The following CDH16 variants were observed in gnomAD, a reference collection of about 807,000 sequenced individuals.
The protein encoded by CDH16 is cadherin 16.
Under a neutral mutation model 87.6 loss-of-function variants are expected in CDH16, and 79 were observed. That is an observed-to-expected ratio of 0.90 (90% confidence interval 0.75 to 1.09). The LOEUF (loss-of-function observed/expected upper bound fraction) is 1.09, where lower values mean the gene tolerates loss of function less well. CDH16 is among the 50% of genes least tolerant of loss of function. The probability of loss-of-function intolerance (pLI) is 0.00; values close to 1 mark genes in which losing one functional copy is unlikely to be tolerated. For synonymous variants in CDH16, 457 were observed against 439.5 expected (o/e 1.04, Z -0.50); for missense variants, 1,124 against 1,071.7 (o/e 1.05, Z -0.68).
Position 66,912,313 on chromosome 16 carries a change from C to T in CDH16, c.1477G>A (p.Gly493Arg). 1 of 1,614,192 alleles carries T rather than the reference C, an allele frequency of 6.2e-7. No homozygotes were observed. Residue 493 changes from glycine (G) to arginine (R), a missense_variant, in exon 12 of 18, where the codon GGA (glycine) becomes AGA (arginine). Physicochemically the swap from Gly to Arg is moderately radical, Grantham distance 125. Transcript: ENST00000299752. ...AGGCCAAAAGTCCCTTCTGTGTCTC[C>T]CCTCTCAATGGCAAAATCCATGAGG... ...FRLMDFAIER[G>R]DTEGTFGLDW...
intron 1 of CDH16, 126 bp from the exon 2 acceptor site, chr16:66,918,204 C>T: frequency 1.6e-6 from 1 of 617,894 alleles, no homozygotes; most frequent in Non-Finnish European, 2.7e-6. Context: ...GGAGCTGAGG[C>T]TCTCCATCTC....
In CDH16 at chr16:66,916,041, A is replaced by G. The variant is rs765668342; in HGVS notation, c.424+24T>C. The stretch of plus-strand genomic sequence containing the variant: ...ATCAAGGCCCACCTGACCTTACTGT[A>G]AATTGGCTGCCCTGGTCACTCACCA... On this transcript the variant is annotated intron_variant, in intron 5 of 17. Coordinates refer to ENST00000299752, the MANE Select transcript of CDH16 (RefSeq NM_004062.4). This position sits in a 1 kb window ranked among gnomAD's most constrained non-coding sequence, Gnocchi z 4.1. 117 of 1,613,746 alleles carry G rather than the reference A, an allele frequency of 7.3e-5. 1 individual carries two copies. The South Asian group carries it at 1.3e-3, about 17-fold the overall frequency.
chr16:66,917,904 C>T (rs1962757973), intron 2 of CDH16, 117 bp downstream of exon 2: 2 of 1,054,144 alleles, frequency 1.9e-6, no homozygotes, highest in Non-Finnish European at 2.8e-6. Flanking sequence ...AGCTCTGACC[C>T]CTCCCATGCC....
chr16:66,912,802 G>A lies in CDH16; in HGVS notation c.1144C>T (p.Pro382Ser). Residue 382 changes from proline (P) to serine (S), a missense_variant, in exon 10 of 18, where the codon CCT becomes TCT. By Grantham distance (74) the Pro-to-Ser change is moderately conservative. Transcript: ENST00000299752. ...GCTCTCCCCTCTACCCCATCCTCAG[G>A]CTCAGGGCTCAGGAGCTGATACACA... The part of the protein sequence containing the change: ...HVVYQLLSPE[P>S]EDGVEGRAFQ... 1.2e-6 allele frequency: 2 copies of A among 1,613,668 alleles called. No homozygotes were observed. The highest frequency in any genetic ancestry group is 8.5e-7 in the Non-Finnish European group (1 of 1,180,004).
intron 13 of CDH16, 26 bp downstream of exon 13, chr16:66,911,873 G>T (rs1962430875): frequency 6.4e-7 from 1 of 1,566,152 alleles, no homozygotes; most frequent in South Asian, 1.2e-5. Flanking sequence ...ATCCAGTCCA[G>T]GTAAGGGGCT....
chr16:66,910,548 G>A, intron 14 of CDH16, 46 bp from the exon 15 acceptor site: 1 of 1,459,590 alleles, frequency 6.9e-7, no homozygotes, highest in South Asian at 1.5e-5. Context: ...GCCAGGGGGA[G>A]GGTGAGCTCT....
intron 15 of CDH16, 49 bp downstream of exon 15, chr16:66,910,210 AC>A (rs752807032): frequency 3.2e-6 from 5 of 1,554,796 alleles, no homozygotes; most frequent in Non-Finnish European, 4.4e-6. Flanking sequence ...TCCAAGTGAC[AC>A]CCCCTCCCTG....
intron 2 of CDH16, 71 bp downstream of exon 2, chr16:66,917,950 G>A: frequency 1.5e-6 from 2 of 1,332,700 alleles, no homozygotes; most frequent in Admixed American, 2.1e-5. Context: ...ATTGGTCCAG[G>A]TGGAGTTGGG....
At position 66,916,472 on chromosome 16, in the gene CDH16, TG is replaced by T; in HGVS notation, c.130-44del. 6.5e-7 allele frequency: 1 copy of T among 1,530,718 alleles called. No individual in the cohort carries two copies. The highest frequency in any genetic ancestry group is 1.3e-5 in the South Asian group (1 of 78,660). The allele number at this position is 1,530,718 out of a possible 1,614,324, so 94.8% of individuals were successfully genotyped here. ...AAGTGAAGGGAGCGGTGGCCAGGCC[TG>T]GGAGATGCCCCTCCTCCACCTGATG... On this transcript the variant is annotated intron_variant, in intron 3 of 17. Coordinates refer to ENST00000299752, the MANE Select transcript of CDH16 (RefSeq NM_004062.4). This position sits in a 1 kb window ranked among gnomAD's most constrained non-coding sequence, Gnocchi z 4.1.
Position 66,918,009 on chromosome 16 carries a change from G to A in CDH16, c.45+12C>T. 1 of 1,572,100 alleles carries A rather than the reference G, an allele frequency of 6.4e-7. No homozygotes were observed. The highest frequency in any genetic ancestry group is 8.6e-7 in the Non-Finnish European group (1 of 1,158,148). ...CCAAGACCTGAAGGAGAGGGGGCAG[G>A]GCCTAGCTCACCTGGGGGACGGAGA... On this transcript the variant is annotated intron_variant, in intron 2 of 17. Coordinates refer to ENST00000299752, the MANE Select transcript of CDH16 (RefSeq NM_004062.4).
chr16:66,910,441 G>A lies in CDH16; in HGVS notation c.1986C>T (p.Ala662=), dbSNP rs751187873. The A allele has an allele frequency of 1.3e-6, 2 of 1,585,324 alleles. No homozygotes were observed. Among genetic ancestry groups the A allele is most frequent in the Non-Finnish European group, 1.7e-6 (2 of 1,162,688 alleles). Residue 662 remains alanine (A), a synonymous_variant, in exon 15 of 18, where the codon GCC becomes GCT. Transcript: ENST00000299752. The part of the protein sequence containing the change: ...LVIHFLKAPP[A]PALTLAPVPS... ...GCACAGGGGCAAGAGTCAGGGCTGG[G>A]GCAGGAGGGGCCTTTAGGAAGTGGA... is the stretch of plus-strand genomic sequence containing the variant.
At chr16:66,917,411 G>A (rs868867756) in intron 3 of CDH16, among the ~76,000 whole-genome samples, 2 of 151,782 alleles carry the variant, frequency 1.3e-5, no homozygotes, top group Non-Finnish European at 2.9e-5. Context: ...GATATCTCAT[G>A]ATATATATGC....
rs540664626 is a variant in CDH16 at position 66,912,230 on chromosome 16, C to G, written c.1548+12G>C. The G allele has an allele frequency of 1.9e-6, 3 of 1,602,622 alleles. No individual in the cohort carries two copies. The East Asian group carries it at 6.7e-5, about 36-fold the overall frequency. ...ATGTGTGGGCCCCTTTCCCAGCTAC[C>G]CAGGCCCTCACCTTGCAGAGTCTGA... On this transcript the variant is annotated intron_variant, in intron 12 of 17. Coordinates refer to ENST00000299752, the MANE Select transcript of CDH16 (RefSeq NM_004062.4).
At position 66,912,846 on chromosome 16, in the gene CDH16, C is replaced by T; in HGVS notation, c.1100G>A (p.Gly367Asp). The T allele has an allele frequency of 6.2e-7, 1 of 1,613,362 alleles. No homozygotes were observed. Among genetic ancestry groups the T allele is most frequent in the Non-Finnish European group, 8.5e-7 (1 of 1,180,002 alleles). The change falls in exon 10 of 18, where the codon GGC (glycine) becomes GAC (aspartate). Residue 367 changes from glycine (G) to aspartate (D), a missense_variant. Physicochemically the swap from Gly to Asp is moderately conservative, Grantham distance 94 (BLOSUM62 -1). Transcript: ENST00000299752. ...ATACACAACGTGGGAATTGGGGGAG[C>T]CGGGGGCATCTGCATCCTCTGCTGA... ...RLSAEDADAPGSPNSHVVYQL... is the reference protein window; with the variant it reads ...RLSAEDADAPDSPNSHVVYQL...
In CDH16 at chr16:66,917,722, G is replaced by C. The variant is rs375388190; in HGVS notation, c.49C>G (p.Leu17Val). The C allele has an allele frequency of 8.1e-6, 13 of 1,609,006 alleles. No individual in the cohort carries two copies. The highest frequency in any genetic ancestry group is 1.1e-5 in the South Asian group (1 of 90,062). Residue 17 changes from leucine to valine, a missense_variant, in exon 3 of 18, where the codon CTC (leucine) becomes GTC (valine). By Grantham distance (32) the Leu-to-Val change is conservative. Transcript: ENST00000299752. ...AGCTCTGCAGGCTGGGCCTTGGGGA[G>C]AGCCTGTGGGAGGATTCTCACCTTG... Reference protein sequence around the residue: ...WLLCVSVPQALPKAQPAELSV... With the variant: ...WLLCVSVPQAVPKAQPAELSV...
intron 13 of CDH16, 63 bp downstream of exon 13, chr16:66,911,836 T>C (rs1310485697): frequency 5.3e-6 from 8 of 1,514,236 alleles, no homozygotes; most frequent in African/African-American, 4.2e-5. Context: ...TCTGAGGCCC[T>C]GGGGTCATCC....
Position 66,908,277 on chromosome 16 carries a change from A to T in CDH16, c.*115T>A. On this transcript the variant is annotated 3_prime_UTR_variant, in exon 18 of 18. Transcript: ENST00000299752. ...TGATGGTGCCTCCACCCCAGGGCAG[A>T]TGGAGGGGCTTCTACTCTGTCCTGT... 3.8e-6 allele frequency: 3 copies of T among 794,198 alleles called. No homozygotes were observed. In the South Asian group the frequency reaches 4.7e-5, roughly 12 times the overall value. The allele number at this position is 794,198 out of a possible 1,614,324, so 49.2% of individuals were successfully genotyped here.
intron 1 of CDH16, 68 bp from the exon 2 acceptor site, chr16:66,918,146 A>G (rs1288315099): frequency 3.7e-6 from 4 of 1,092,034 alleles, no homozygotes; most frequent in Non-Finnish European, 5.2e-6. Flanking sequence ...CACACACACA[A>G]CTAGTGGGAT....
At position 66,910,311 on chromosome 16, in the gene CDH16, G is replaced by C. The variant is rs760574526; in HGVS notation, c.2116C>G (p.Leu706Val). ...CGTTGCACCGTGGGGTTGGGACCAA[G>C]GGTGAAGCTGTAGGGACCGTGCCCA... is the stretch of plus-strand genomic sequence containing the variant. ...ASGHGPYSFT[L>V]GPNPTVQRDW... Residue 706 changes from leucine (L) to valine (V), a missense_variant, in exon 15 of 18, where the codon CTT (leucine) becomes GTT (valine). Transcript: ENST00000299752. The C allele has an allele frequency of 1.2e-6, 2 of 1,613,400 alleles. No individual in the cohort carries two copies. The highest frequency in any genetic ancestry group is 1.7e-5 in the Admixed American group (1 of 59,914).
Sources: allele counts gnomAD v4.1 joint callset (sites outside exome capture counted in the v4.1 genomes callset), GRCh38; gene constraint gnomAD v4.1.1; non-coding constraint Gnocchi (gnomAD v3.1); transcripts MANE v1.5; gene names NCBI Gene and HGNC (gene_info 2026-07-23, HGNC 2026-07-21).